NXPH1: variants seen among roughly 807,000 people sequenced by gnomAD.
NXPH1 encodes neurexophilin-1.
NXPH1 carries 5 observed loss-of-function variants against 23.7 expected under a neutral mutation model. The observed-to-expected ratio is 0.21, with a 90% confidence interval of 0.11 to 0.44. The LOEUF (loss-of-function observed/expected upper bound fraction) is 0.44, where lower values mean the gene tolerates loss of function less well. Ranked by LOEUF, NXPH1 falls within the 20% of genes least tolerant of loss-of-function variation. The pLI is 0.99. For missense variants in NXPH1, 324 were observed against 321.6 expected (o/e 1.01, Z -0.06); for synonymous variants, 144 against 122.2 (o/e 1.18, Z -1.18).
chr7:8,683,121 A>G (rs1049402772), intron 2 of NXPH1, among the ~76,000 whole-genome samples: 3 of 152,212 alleles, frequency 2.0e-5, no homozygotes, highest in Non-Finnish European at 2.9e-5. Flanking sequence ...AGGCCTCAAG[A>G]AGCTTTTATC....
intron 2 of NXPH1, among the ~76,000 whole-genome samples, chr7:8,462,759 G>C (rs1486609155): frequency 1.3e-5 from 2 of 152,186 alleles, no homozygotes; most frequent in African/African-American, 4.8e-5. Context: ...AAATAAAACA[G>C]AATACTTGAG....
chr7:8,628,589 TA>T (rs146880357), intron 2 of NXPH1, among the ~76,000 whole-genome samples: 4,969 of 145,872 alleles, frequency 0.034, 237 homozygotes, highest in African/African-American at 0.11. Context: ...TGTGTATGTA[TA>T]AAAAAAAAAG....
chr7:8,704,717 T>C (rs1159144565), intron 2 of NXPH1, among the ~76,000 whole-genome samples: 2 of 151,726 alleles, frequency 1.3e-5, no homozygotes, highest in Non-Finnish European at 2.9e-5. Flanking sequence ...AAAGCAAATA[T>C]ATAAACACTT....
chr7:8,593,788 A>G (rs1819156235), intron 2 of NXPH1, among the ~76,000 whole-genome samples: 1 of 152,066 alleles, frequency 6.6e-6, no homozygotes, highest in African/African-American at 2.4e-5. Context: ...ATTTTTAACA[A>G]TGAGAACTGG....
chr7:8,578,863 T>A (rs1005574954), intron 2 of NXPH1, among the ~76,000 whole-genome samples: 2 of 152,180 alleles, frequency 1.3e-5, no homozygotes, highest in African/African-American at 4.8e-5. Flanking sequence ...GCAGGAGTTA[T>A]CAAATGGAAG....
At chr7:8,711,131 G>A (rs1433932059) in intron 2 of NXPH1, among the ~76,000 whole-genome samples, 2 of 152,132 alleles carry the variant, frequency 1.3e-5, no homozygotes, top group South Asian at 2.1e-4. Context: ...ACTAAAGGGT[G>A]AACCATTTCC....
chr7:8,569,425 A>C (rs1818607206), intron 2 of NXPH1, among the ~76,000 whole-genome samples: 1 of 151,966 alleles, frequency 6.6e-6, no homozygotes, highest in Admixed American at 6.6e-5. Context: ...ATTTAGAGGT[A>C]TTAATTTTGT....
rs563832870 is a variant in NXPH1, at chr7:8,600,593, C to T, written c.55-150415C>T. On this transcript the variant is annotated intron_variant, in intron 2 of 2. Coordinates refer to ENST00000405863, the MANE Select transcript of NXPH1 (RefSeq NM_152745.3). ...CTAGGACAGTTTGGGAGAGATCAGA[C>T]GTAGATGTTCAGAGCAGAAATGTGG... is the stretch of plus-strand genomic sequence containing the variant. Among the ~76,000 whole-genome samples the T allele has an allele frequency of 2.8e-4, 43 of 152,276 alleles. No individual in the cohort carries two copies. In the South Asian group the frequency reaches 7.3e-3, roughly 26 times the overall value.
chr7:8,593,141 G>A (rs1819136676), intron 2 of NXPH1, among the ~76,000 whole-genome samples: 2 of 151,164 alleles, frequency 1.3e-5, no homozygotes, highest in South Asian at 2.1e-4. Flanking sequence ...TAGTCCCTAA[G>A]CAGATTGCAT....
intron 2 of NXPH1, among the ~76,000 whole-genome samples, chr7:8,455,508 C>A (rs1006234619): frequency 6.6e-6 from 1 of 152,192 alleles, no homozygotes; most frequent in Non-Finnish European, 1.5e-5. Context: ...AGCTTTATTT[C>A]CTAGCCAGGA....
intron 2 of NXPH1, among the ~76,000 whole-genome samples, chr7:8,685,340 A>C (rs1056472947): frequency 4.6e-5 from 7 of 151,954 alleles, no homozygotes; most frequent in Admixed American, 6.6e-5. Context: ...CCCACAGATA[A>C]GTGAGAATAT....
At chr7:8,448,314 A>G (rs550466360) in intron 2 of NXPH1, among the ~76,000 whole-genome samples, 1 of 152,332 alleles carries the variant, frequency 6.6e-6, no homozygotes, top group East Asian at 1.9e-4. Context: ...TCTTGCTAAC[A>G]TTTTAGAAAG....
chr7:8,603,675 T>C (rs1463693138), intron 2 of NXPH1, among the ~76,000 whole-genome samples: 1 of 152,196 alleles, frequency 6.6e-6, no homozygotes, highest in Non-Finnish European at 1.5e-5. Context: ...TTTTTGGTTG[T>C]TCTCTAAGTG....
chr7:8,739,284 C>T (rs1386564955), intron 2 of NXPH1, among the ~76,000 whole-genome samples: 1 of 151,406 alleles, frequency 6.6e-6, no homozygotes, highest in Non-Finnish European at 1.5e-5. Context: ...GTATAGGCAC[C>T]CGAGGGAATC....
chr7:8,577,124 G>A (rs1398227005), intron 2 of NXPH1, among the ~76,000 whole-genome samples: 1 of 152,066 alleles, frequency 6.6e-6, no homozygotes, highest in South Asian at 2.1e-4. Flanking sequence ...AATCCTCCCT[G>A]TATTGTTTAA....
intron 2 of NXPH1, among the ~76,000 whole-genome samples, chr7:8,569,878 G>A (rs1414878756): frequency 2.0e-5 from 3 of 151,902 alleles, no homozygotes; most frequent in Non-Finnish European, 4.4e-5. Flanking sequence ...TACTGGTTGT[G>A]TGTCTATGGG....
chr7:8,609,283 T>C (rs1819567852), intron 2 of NXPH1, among the ~76,000 whole-genome samples: 1 of 152,198 alleles, frequency 6.6e-6, no homozygotes, highest in African/African-American at 2.4e-5. Context: ...TAGACGATTC[T>C]TTAACCTTCT....
chr7:8,503,455 T>C (rs1334781931), intron 2 of NXPH1, among the ~76,000 whole-genome samples: 1 of 152,146 alleles, frequency 6.6e-6, no homozygotes, highest in East Asian at 2.0e-4. Flanking sequence ...CAAGTCCCAC[T>C]ACACTTGAAG....
intron 2 of NXPH1, among the ~76,000 whole-genome samples, chr7:8,744,681 A>T (rs1221190886): frequency 6.6e-6 from 1 of 152,150 alleles, no homozygotes. Context: ...ACAGGCGCTT[A>T]ATCTCCCAAT....
Sources: gnomAD v4.1 joint callset for allele counts (sites outside exome capture counted in the v4.1 genomes callset) on GRCh38, gnomAD v4.1.1 for gene constraint, MANE v1.5 for transcripts, NCBI Gene and HGNC (gene_info 2026-07-23, HGNC 2026-07-21) for gene names.